The following C17orf99 variants were observed in gnomAD, a reference collection of about 807,000 sequenced individuals.
The protein encoded by C17orf99 is chromosome 17 open reading frame 99, also known as protein IL-40.
A neutral mutation model predicts 22.6 loss-of-function variants in C17orf99; 18 were observed. The observed-to-expected ratio is 0.80, with a 90% CI of 0.55 to 1.18. The LOEUF (loss-of-function observed/expected upper bound fraction) is 1.18, where lower values mean the gene tolerates loss of function less well. Among genes scored for constraint, C17orf99 ranks in the 50% most tolerant of loss-of-function variants. C17orf99 has a pLI of 0.00. For missense variants in C17orf99, 328 were observed against 342.7 expected (o/e 0.96, Z 0.34); for synonymous variants, 147 against 136.6 (o/e 1.08, Z -0.53).
chr17:78,164,507 T>C, intron 4 of C17orf99, 143 bp downstream of exon 4: 2 of 1,538,334 alleles, frequency 1.3e-6, no homozygotes, highest in Non-Finnish European at 1.7e-6. Context: ...GAGGCAACCA[T>C]GCCCACCCTG....
upstream of C17orf99, chr17:78,146,346 G>T (rs1283892164): frequency 3.8e-5 from 56 of 1,480,152 alleles, no homozygotes; most frequent in South Asian, 2.4e-4. The surrounding 1 kb of genome is among the most constrained non-coding windows in gnomAD (Gnocchi z 5.2). Context: ...GCCTCAGGGT[G>T]GGGGAGGCCA....
chr17:78,146,440 G>A lies in C17orf99; in HGVS notation c.33G>A (p.Val11=). MGLPGLFCLA[V]LAASSFSKAR... The stretch of plus-strand genomic sequence containing the variant: ...TCCCTGGGCTGTTCTGCTTGGCCGT[G>A]CTGGGTGAGTCCACCAGGGACGTGA... Residue 11 remains valine, a synonymous_variant, in exon 1 of 5, where the codon GTG becomes GTA. Transcript: ENST00000340363. The surrounding 1 kb of genome is among the most constrained non-coding windows in gnomAD (Gnocchi z 5.2). 1 of 1,550,170 alleles carries A rather than the reference G, an allele frequency of 6.5e-7. No individual in the cohort carries two copies. The highest frequency in any genetic ancestry group is 8.7e-7 in the Non-Finnish European group (1 of 1,146,848).
intron 4 of C17orf99, chr17:78,164,591 C>T (rs1055296252): frequency 4.6e-6 from 7 of 1,526,246 alleles, no homozygotes; most frequent in South Asian, 1.2e-5. Context: ...CACCCACCAT[C>T]GTGCTGGTTG....
At chr17:78,153,178 T>A (rs897248776) in intron 2 of C17orf99, among the ~76,000 whole-genome samples, 2 of 152,004 alleles carry the variant, frequency 1.3e-5, no homozygotes, top group African/African-American at 4.8e-5. Flanking sequence ...CACACAAGTC[T>A]TGAGAGGATA....
chr17:78,163,430 A>C (rs1048850008), intron 3 of C17orf99, among the ~76,000 whole-genome samples: 5 of 152,376 alleles, frequency 3.3e-5, no homozygotes, highest in African/African-American at 1.2e-4. Flanking sequence ...TTTCAGTAAA[A>C]AAGACGAGAC....
chr17:78,164,717 G>T, intron 4 of C17orf99: 2 of 1,344,858 alleles, frequency 1.5e-6, no homozygotes, highest in Non-Finnish European at 1.9e-6. Context: ...TGGCCTGAGA[G>T]GTCCAACCGG....
Position 78,146,709 on chromosome 17 carries a change from GA to G in C17orf99, c.38-169del. The G allele has an allele frequency of 1.5e-6, 1 of 686,936 alleles. No homozygotes were observed. Among genetic ancestry groups the G allele is most frequent in the Non-Finnish European group, 2.5e-6 (1 of 393,918 alleles). The allele number at this position is 686,936 out of a possible 1,614,324, so 42.6% of individuals were successfully genotyped here. A position where few individuals can be genotyped will look rare whatever the true frequency, so the allele number is the denominator to read the frequency against. ...CGGATGAGAGGCGATGTTGTGGGGG[GA>G]GGGGCGCAAAAGAGCTTTTGTGAGT... On this transcript the variant is annotated intron_variant, in intron 1 of 4. Coordinates refer to ENST00000340363, the MANE Select transcript of C17orf99 (RefSeq NM_001163075.2). This position sits in a 1 kb window ranked among gnomAD's most constrained non-coding sequence, Gnocchi z 5.2.
In C17orf99 at chr17:78,161,065, TC is replaced by T. The variant is rs2075571937; in HGVS notation, c.184del (p.Leu62SerfsTer14). ...CCAGCCACCACCGCCCATCACCTATTCCCTCTGTGGAACCAAGAACATCAAG... is the reference window on the plus strand; with the variant it reads ...CCAGCCACCACCGCCCATCACCTATTCCTCTGTGGAACCAAGAACATCAAG... ...APQPPPPITY[S>X]LCGTKNIKVA... On this transcript the variant is annotated frameshift_variant, in exon 3 of 5. Coordinates refer to ENST00000340363, the MANE Select transcript of C17orf99 (RefSeq NM_001163075.2). LOFTEE classifies it high-confidence loss of function. 2 of 1,551,666 alleles carry T rather than the reference TC, an allele frequency of 1.3e-6. No individual in the cohort carries two copies. The highest frequency in any genetic ancestry group is 2.4e-5 in the South Asian group (2 of 84,054).
upstream of C17orf99, among the ~76,000 whole-genome samples, chr17:78,145,594 G>A (rs2075431992): frequency 6.6e-6 from 1 of 152,160 alleles, no homozygotes; most frequent in African/African-American, 2.4e-5. Flanking sequence ...CCTCCCGGCT[G>A]TGAACCATCA....
Position 78,164,175 on chromosome 17 carries a change from T to A in C17orf99, c.451T>A (p.Ser151Thr). 6.4e-7 allele frequency: 1 copy of A among 1,551,550 alleles called. No homozygotes were observed. Residue 151 changes from serine to threonine, a missense_variant, in exon 4 of 5, where the codon TCC (serine) becomes ACC (threonine). Ser to Thr is a moderately conservative substitution (Grantham distance 58). Transcript: ENST00000340363. ...CAGGGTGGAGATGATCTGCCAGGCG[T>A]CCTCGGGCAGCCCACCTATCACCAA... is the stretch of plus-strand genomic sequence containing the variant. ...GPRVEMICQA[S>T]SGSPPITNSL...
intron 2 of C17orf99, chr17:78,158,195 G>T: frequency 1.4e-6 from 1 of 709,848 alleles, no homozygotes; most frequent in Non-Finnish European, 2.5e-6. Flanking sequence ...TGCAATCAAG[G>T]CTCCCAGGGT....
intron 2 of C17orf99, chr17:78,159,923 T>C (rs2075559783): frequency 5.3e-6 from 2 of 376,038 alleles, no homozygotes; most frequent in African/African-American, 4.2e-5. Context: ...GGCTGAGTAA[T>C]ATTCCTTATA....
At chr17:78,147,274 C>T (rs2145765474) in intron 2 of C17orf99, among the ~76,000 whole-genome samples, 1 of 152,314 alleles carries the variant, frequency 6.6e-6, no homozygotes, top group Non-Finnish European at 1.5e-5. Flanking sequence ...CACAGCTCTG[C>T]CCGGTGGGCG....
intron 2 of C17orf99, among the ~76,000 whole-genome samples, chr17:78,151,025 AG>A (rs1407907984): frequency 6.6e-6 from 1 of 152,088 alleles, no homozygotes; most frequent in East Asian, 1.9e-4. Flanking sequence ...CAGGAGGCTG[AG>A]GCAGGAGAAT....
At chr17:78,155,124 A>G in intron 2 of C17orf99, among the ~76,000 whole-genome samples, 1 of 104,626 alleles carries the variant, frequency 9.6e-6, no homozygotes, top group African/African-American at 3.9e-5. Context: ...AGCAACCCCT[A>G]TTTTTTTTTT....
In C17orf99 at chr17:78,165,935, C is replaced by T; in HGVS notation, c.687C>T (p.Pro229=). 6.8e-7 allele frequency: 1 copy of T among 1,472,388 alleles called. No homozygotes were observed. Among genetic ancestry groups the T allele is most frequent in the South Asian group, 1.4e-5 (1 of 71,180 alleles). 91.2% of individuals were successfully genotyped at this position (1,472,388 alleles called of 1,614,324 possible). A position where few individuals can be genotyped will look rare whatever the true frequency, so the allele number is the denominator to read the frequency against. ...MEDWQGPLES[P]ILALPLYRST... ...ACTGGCAGGGTCCCCTGGAGAGCCCCATCCTTGCCTTGCCGCTCTACAGGA... is the reference window on the plus strand; with the variant it reads ...ACTGGCAGGGTCCCCTGGAGAGCCCTATCCTTGCCTTGCCGCTCTACAGGA... Residue 229 remains proline, a synonymous_variant, in exon 5 of 5, where the codon CCC becomes CCT. Transcript: ENST00000340363.
At chr17:78,147,880 C>G (rs1379953881) in intron 2 of C17orf99, among the ~76,000 whole-genome samples, 1 of 152,224 alleles carries the variant, frequency 6.6e-6, no homozygotes, top group East Asian at 1.9e-4. Context: ...GCCTCCCCCT[C>G]TTGGCTGGCT....
Position 78,146,817 on chromosome 17 carries a change from G to A in C17orf99, c.38-62G>A. On this transcript the variant is annotated intron_variant, in intron 1 of 4. Transcript: ENST00000340363. This position sits in a 1 kb window ranked among gnomAD's most constrained non-coding sequence, Gnocchi z 5.2. ...CCTGGCTTCAGCAGGTGGGTCTCGA[G>A]GCTGTCTCTGGTCTCCCCTCCACAC... is the stretch of plus-strand genomic sequence containing the variant. The A allele has an allele frequency of 6.6e-7, 1 of 1,505,854 alleles. No homozygotes were observed. The highest frequency in any genetic ancestry group is 9.0e-7 in the Non-Finnish European group (1 of 1,106,452). 93.3% of individuals were successfully genotyped at this position (1,505,854 alleles called of 1,614,324 possible). A position where few individuals can be genotyped will look rare whatever the true frequency, so the allele number is the denominator to read the frequency against.
intron 3 of C17orf99, among the ~76,000 whole-genome samples, chr17:78,163,852 C>G (rs2075596387): frequency 6.6e-6 from 1 of 152,196 alleles, no homozygotes; most frequent in South Asian, 2.1e-4. Flanking sequence ...GGCGACAGAG[C>G]AAGACCCTGT....
Sources: gnomAD v4.1 joint callset for allele counts (sites outside exome capture counted in the v4.1 genomes callset) on GRCh38, gnomAD v4.1.1 for gene constraint, Gnocchi (gnomAD v3.1) non-coding constraint, MANE v1.5 for transcripts, NCBI Gene and HGNC (gene_info 2026-07-23, HGNC 2026-07-21) for gene names.